STX6: variants seen among roughly 807,000 people sequenced by gnomAD.
STX6 encodes the protein syntaxin-6.
STX6 carries 23 observed loss-of-function variants against 38.0 expected under a neutral mutation model. The observed-to-expected ratio is 0.60, with a 90% confidence interval of 0.43 to 0.86. The LOEUF (loss-of-function observed/expected upper bound fraction) is 0.86, where lower values mean the gene tolerates loss of function less well. Ranked by LOEUF, STX6 falls within the 40% of genes least tolerant of loss-of-function variation. The probability of loss-of-function intolerance (pLI) is 0.00; values close to 1 mark genes in which losing one functional copy is unlikely to be tolerated. For synonymous variants in STX6, 123 were observed against 107.5 expected (o/e 1.14, Z -0.89); for missense variants, 274 against 312.9 (o/e 0.88, Z 0.94).
intron 1 of STX6, among the ~76,000 whole-genome samples, chr1:181,010,057 G>T (rs1227208408): frequency 6.6e-6 from 1 of 152,160 alleles, no homozygotes; most frequent in African/African-American, 2.4e-5. Context: ...TTCAGTGTTT[G>T]CCAGGTGCTC....
chr1:180,986,472 A>G (rs2102306043), intron 6 of STX6, among the ~76,000 whole-genome samples: 2 of 152,322 alleles, frequency 1.3e-5, no homozygotes, highest in African/African-American at 4.8e-5. Context: ...CTCAACAGCC[A>G]CATGTGGCTA....
chr1:181,005,315 C>T lies in STX6; in HGVS notation c.184G>A (p.Glu62Lys). 1 of 1,614,068 alleles carries T rather than the reference C, an allele frequency of 6.2e-7. No homozygotes were observed. The highest frequency in any genetic ancestry group is 8.5e-7 in the Non-Finnish European group (1 of 1,179,948). ...ATATTGATGGTTTCATCAAGGTCCT[C>T]TAGATCCCACTCTATGCTCCGGAGG... Reference protein sequence around the residue: ...NNLRSIEWDLEDLDETISIVE... With the variant: ...NNLRSIEWDLKDLDETISIVE... Residue 62 changes from glutamate (E) to lysine (K), a missense_variant, in exon 2 of 8, where the codon GAG becomes AAG. By Grantham distance (56) the Glu-to-Lys change is moderately conservative. Transcript: ENST00000258301.
At position 180,976,436 on chromosome 1, in the gene STX6, A is replaced by T; in HGVS notation, c.*134T>A. 1 of 781,436 alleles carries T rather than the reference A, an allele frequency of 1.3e-6. No individual in the cohort carries two copies. The highest frequency in any genetic ancestry group is 1.7e-5 in the African/African-American group (1 of 59,058). 48.4% of individuals were successfully genotyped at this position (781,436 alleles called of 1,614,324 possible). ...GAGGAGCCATGTCAATTGTGGGGTC[A>T]CACGGAGAAAAGTCAGTGCAGCAGT... On this transcript the variant is annotated 3_prime_UTR_variant, in exon 8 of 8. Coordinates refer to ENST00000258301, the MANE Select transcript of STX6 (RefSeq NM_005819.6).
intron 1 of STX6, among the ~76,000 whole-genome samples, chr1:181,022,051 T>C (rs544742480): frequency 5.7e-4 from 87 of 152,252 alleles, no homozygotes; most frequent in South Asian, 1.9e-3. Flanking sequence ...AACTCCCCCA[T>C]TGAATTGTCT....
chr1:180,989,018 A>G (rs903243750), intron 5 of STX6: 29 of 152,272 alleles, frequency 1.9e-4, no homozygotes, highest in Admixed American at 1.7e-3. Context: ...TATACATAAA[A>G]CACAATATTT....
intron 4 of STX6, 125 bp from the exon 5 acceptor site, chr1:180,990,234 T>A (rs920801186): frequency 8.1e-7 from 1 of 1,229,944 alleles, no homozygotes; most frequent in Non-Finnish European, 1.1e-6. Flanking sequence ...TGGGCAAGGC[T>A]TTTATGTAGT....
chr1:180,989,672 T>C (rs886803947), intron 5 of STX6, among the ~76,000 whole-genome samples: 5 of 152,046 alleles, frequency 3.3e-5, no homozygotes, highest in Non-Finnish European at 5.9e-5. Flanking sequence ...CAGGCTAGAA[T>C]GCAATGGCAT....
chr1:181,002,754 C>G (rs1656120205), intron 2 of STX6, 54 bp from the exon 3 acceptor site: 1 of 1,208,254 alleles, frequency 8.3e-7, no homozygotes, highest in African/African-American at 1.5e-5. Context: ...TGACAACATC[C>G]TGTTAACTCA....
chr1:180,995,075 G>GC (rs1655867059), intron 3 of STX6, among the ~76,000 whole-genome samples: 1 of 151,522 alleles, frequency 6.6e-6, no homozygotes, highest in African/African-American at 2.4e-5. Flanking sequence ...TGATTCTCCT[G>GC]CCTCAGCCTC....
chr1:180,980,076 G>A (rs1052280816), intron 7 of STX6, among the ~76,000 whole-genome samples: 18 of 152,148 alleles, frequency 1.2e-4, no homozygotes, highest in African/African-American at 3.1e-4. Context: ...GCGTGGTGGC[G>A]CAGGCCTGTA....
chr1:180,987,256 A>G (rs934149073), intron 6 of STX6, among the ~76,000 whole-genome samples: 4 of 152,148 alleles, frequency 2.6e-5, no homozygotes, highest in Non-Finnish European at 5.9e-5. Flanking sequence ...TCACCTGGCT[A>G]GCATCCACAC....
At chr1:180,997,510 T>G (rs1655946897) in intron 3 of STX6, among the ~76,000 whole-genome samples, 1 of 152,318 alleles carries the variant, frequency 6.6e-6, no homozygotes, top group African/African-American at 2.4e-5. Context: ...TGAATTGAGA[T>G]ATGCTTGAGT....
At chr1:181,016,174 G>A (rs758161615) in intron 1 of STX6, among the ~76,000 whole-genome samples, 1 of 152,296 alleles carries the variant, frequency 6.6e-6, no homozygotes, top group Admixed American at 6.5e-5. Flanking sequence ...TATCAAGCAT[G>A]GTTTCTCACT....
intron 1 of STX6, among the ~76,000 whole-genome samples, chr1:181,015,313 C>T (rs1461230661): frequency 6.6e-6 from 1 of 152,210 alleles, no homozygotes; most frequent in African/African-American, 2.4e-5. Context: ...ATCCTCCCTA[C>T]AAAACATAAT....
rs1417633947 is a variant in STX6, at chr1:181,005,318, G to A, written c.181C>T (p.Leu61=). ...RNNLRSIEWD[L]EDLDETISIV... ...TTGATGGTTTCATCAAGGTCCTCTA[G>A]ATCCCACTCTATGCTCCGGAGGTTA... Residue 61 remains leucine (L), a synonymous_variant, in exon 2 of 8, where the codon CTA becomes TTA. Transcript: ENST00000258301. 4 of 1,613,946 alleles carry A rather than the reference G, an allele frequency of 2.5e-6. No homozygotes were observed. The highest frequency in any genetic ancestry group is 3.3e-5 in the Admixed American group (2 of 59,998).
chr1:181,021,395 A>G (rs563219708), intron 1 of STX6, among the ~76,000 whole-genome samples: 2 of 152,370 alleles, frequency 1.3e-5, no homozygotes, highest in South Asian at 4.1e-4. Flanking sequence ...GGTGAAGAAA[A>G]AAAACTTTCC....
chr1:181,007,679 T>A (rs1187817492), intron 1 of STX6, among the ~76,000 whole-genome samples: 1 of 152,192 alleles, frequency 6.6e-6, no homozygotes, highest in East Asian at 1.9e-4. Context: ...TAAGTAGCAA[T>A]CTATGAACTT....
At chr1:181,013,293 CG>C (rs769787003) in intron 1 of STX6, among the ~76,000 whole-genome samples, 3 of 152,174 alleles carry the variant, frequency 2.0e-5, no homozygotes, top group Non-Finnish European at 4.4e-5. Context: ...CAACAAATTG[CG>C]TAAGTGTAGC....
chr1:180,995,183 G>A (rs1655869670), intron 3 of STX6, among the ~76,000 whole-genome samples: 1 of 152,112 alleles, frequency 6.6e-6, no homozygotes, highest in African/African-American at 2.4e-5. Context: ...GGATGGTCTC[G>A]ATCTCTTGAT....
Sources: allele counts gnomAD v4.1 joint callset (sites outside exome capture counted in the v4.1 genomes callset), GRCh38; gene constraint gnomAD v4.1.1; transcripts MANE v1.5; gene names NCBI Gene and HGNC (gene_info 2026-07-23, HGNC 2026-07-21).